GABRR1: variants seen among roughly 807,000 people sequenced by gnomAD.
GABRR1 encodes the protein gamma-aminobutyric acid receptor subunit rho-1.
GABRR1 carries 59 observed loss-of-function variants against 55.5 expected under a neutral mutation model. The ratio of observed to expected loss-of-function variants is 1.06; its 90% CI spans 0.86 to 1.32. The LOEUF is 1.32. Ranked by LOEUF, GABRR1 falls within the 40% of genes most tolerant of loss-of-function variation. The probability of loss-of-function intolerance (pLI) is 0.00; values close to 1 mark genes in which losing one functional copy is unlikely to be tolerated. For missense variants in GABRR1, 602 were observed against 619.1 expected (o/e 0.97, Z 0.29); for synonymous variants, 213 against 226.0 (o/e 0.94, Z 0.51).
Position 89,210,924 on chromosome 6 carries a change from G to C in GABRR1, c.122+6277C>G, listed in dbSNP as rs554631442. ...ACCTAATTGAGACTTGAGAGGCAGG[G>C]GGTGAGGGAAGGCCAAGGAAGGCTT... On this transcript the variant is annotated intron_variant, in intron 1 of 9. Coordinates refer to ENST00000454853, the MANE Select transcript of GABRR1 (RefSeq NM_002042.5). Among the ~76,000 whole-genome samples the C allele has an allele frequency of 6.6e-5, 10 of 152,262 alleles. No individual in the cohort carries two copies. In the East Asian group the frequency reaches 1.2e-3, roughly 18 times the overall value.
intron 9 of GABRR1, among the ~76,000 whole-genome samples, chr6:89,179,747 T>C (rs963669768): frequency 1.3e-5 from 2 of 152,142 alleles, no homozygotes; most frequent in African/African-American, 4.8e-5. Flanking sequence ...ATTGTGGGGA[T>C]AGATTACTGT....
At chr6:89,181,875 C>T (rs772496989) in intron 8 of GABRR1, 30 bp downstream of exon 8, 1 of 1,571,090 alleles carries the variant, frequency 6.4e-7, no homozygotes, top group Non-Finnish European at 8.6e-7. Flanking sequence ...TTTGCAGATG[C>T]TTGGAATATG....
intron 1 of GABRR1, among the ~76,000 whole-genome samples, chr6:89,209,192 G>A (rs1419421461): frequency 6.7e-6 from 1 of 150,016 alleles, no homozygotes; most frequent in Non-Finnish European, 1.5e-5. Flanking sequence ...TTTTTTCCTT[G>A]TACATATATG....
At chr6:89,203,938 G>A (rs935170427) in intron 1 of GABRR1, among the ~76,000 whole-genome samples, 3 of 152,238 alleles carry the variant, frequency 2.0e-5, no homozygotes, top group Non-Finnish European at 4.4e-5. Context: ...GAGAGGAGGA[G>A]GAGGAAGAAA....
rs1771604247 is a variant in GABRR1 at position 89,178,334 on chromosome 6, G to T, written c.*436C>A. On this transcript the variant is annotated 3_prime_UTR_variant, in exon 10 of 10. Transcript: ENST00000454853. The stretch of plus-strand genomic sequence containing the variant: ...GAGTTTCTGTCAAAGTGAGGATTTA[G>T]GTGCATGTGAATTTCATGCAAATGG... 2 of 176,180 alleles carry T rather than the reference G, an allele frequency of 1.1e-5. No homozygotes were observed. Among genetic ancestry groups the T allele is most frequent in the South Asian group, 2.6e-4 (2 of 7,678 alleles). 10.9% of individuals were successfully genotyped at this position (176,180 alleles called of 1,614,324 possible).
At chr6:89,224,490 T>C (rs116465958) in intron 1 of GABRR1, among the ~76,000 whole-genome samples, 132 of 152,352 alleles carry the variant, frequency 8.7e-4, no homozygotes, top group African/African-American at 3.0e-3. Flanking sequence ...GAGAATCATC[T>C]ATTCACGTCC....
intron 2 of GABRR1, among the ~76,000 whole-genome samples, chr6:89,202,541 C>A (rs1229162212): frequency 6.6e-6 from 1 of 152,018 alleles, no homozygotes; most frequent in African/African-American, 2.4e-5. Context: ...GATCCACCCA[C>A]CTCAGCCTCC....
At chr6:89,206,406 G>A (rs1772646652) in intron 1 of GABRR1, among the ~76,000 whole-genome samples, 1 of 152,080 alleles carries the variant, frequency 6.6e-6, no homozygotes, top group South Asian at 2.1e-4. Context: ...TGTCCCAACT[G>A]TCTGGAATGC....
chr6:89,191,592 T>C (rs930395477), intron 5 of GABRR1, among the ~76,000 whole-genome samples: 2 of 151,914 alleles, frequency 1.3e-5, no homozygotes, highest in African/African-American at 2.4e-5. Context: ...TTGATGCTTC[T>C]CTCCATATAA....
At chr6:89,185,200 A>T (rs1771863064) in intron 7 of GABRR1, 110 bp downstream of exon 7, 9 of 1,380,848 alleles carry the variant, frequency 6.5e-6, no homozygotes, top group Non-Finnish European at 9.1e-6. Context: ...TTCAAATATA[A>T]GTGACACTGC....
intron 1 of GABRR1, among the ~76,000 whole-genome samples, chr6:89,208,084 C>G (rs881293): frequency 0.63 from 95,447 of 152,162 alleles, 30,485 homozygotes; most frequent in Middle Eastern, 0.75. Flanking sequence ...TGCTCTAGTC[C>G]TGTTGGCTGA....
intron 5 of GABRR1, 74 bp downstream of exon 5, chr6:89,197,946 G>A: frequency 7.4e-7 from 1 of 1,349,858 alleles, no homozygotes; most frequent in South Asian, 1.2e-5. Flanking sequence ...GACATTCAGA[G>A]CCAAAAACCC....
intron 1 of GABRR1, 25 bp downstream of exon 1, chr6:89,217,176 C>G: frequency 6.2e-7 from 1 of 1,612,036 alleles, no homozygotes; most frequent in Non-Finnish European, 8.5e-7. Flanking sequence ...TTTCCTAAAT[C>G]CTCTATCCCT....
At chr6:89,213,317 G>A (rs992699108) in intron 1 of GABRR1, among the ~76,000 whole-genome samples, 1 of 152,218 alleles carries the variant, frequency 6.6e-6, no homozygotes, top group Admixed American at 6.5e-5. Context: ...GCAGCTTATG[G>A]ATTTGGAGTC....
upstream of GABRR1, among the ~76,000 whole-genome samples, chr6:89,219,405 C>T (rs117788659): frequency 3.4e-3 from 520 of 152,320 alleles, 5 homozygotes; most frequent in East Asian, 6.7e-3. Context: ...TCAAAGGAGG[C>T]ATCTATGATG....
chr6:89,194,819 T>C (rs1772211125), intron 5 of GABRR1, among the ~76,000 whole-genome samples: 1 of 151,866 alleles, frequency 6.6e-6, no homozygotes, highest in African/African-American at 2.4e-5. Flanking sequence ...ACTGGCTATT[T>C]GAAAATATAG....
At chr6:89,213,560 G>A (rs1029058) in intron 1 of GABRR1, among the ~76,000 whole-genome samples, 1 of 152,002 alleles carries the variant, frequency 6.6e-6, no homozygotes, top group South Asian at 2.1e-4. Context: ...AAATACAGAA[G>A]ATTTGTAATA....
intron 1 of GABRR1, among the ~76,000 whole-genome samples, chr6:89,209,498 T>C (rs935012212): frequency 3.3e-5 from 5 of 152,048 alleles, no homozygotes; most frequent in Non-Finnish European, 7.4e-5. Flanking sequence ...CAAAAACAGG[T>C]GTTTGTCAAG....
At position 89,208,247 on chromosome 6, in the gene GABRR1, G is replaced by A. The variant is rs2127804179; in HGVS notation, c.123-4762C>T. Among the ~76,000 whole-genome samples the A allele has an allele frequency of 3.3e-5, 5 of 152,288 alleles. No individual in the cohort carries two copies. In the South Asian group the frequency reaches 1.0e-3, roughly 32 times the overall value. ...TCATGTTATTTATATTGCATTTCCT[G>A]AATTGTTACAGAGGCTGTGCATTCT... On this transcript the variant is annotated intron_variant, in intron 1 of 9. Coordinates refer to ENST00000454853, the MANE Select transcript of GABRR1 (RefSeq NM_002042.5).
Sources: allele counts gnomAD v4.1 joint callset (sites outside exome capture counted in the v4.1 genomes callset), GRCh38; gene constraint gnomAD v4.1.1; transcripts MANE v1.5; gene names NCBI Gene and HGNC (gene_info 2026-07-23, HGNC 2026-07-21).